The following ZNF609 variants were observed in gnomAD, a reference collection of about 807,000 sequenced individuals.
The protein encoded by ZNF609 is zinc finger protein 609.
A neutral mutation model predicts 109.5 loss-of-function variants in ZNF609; 11 were observed. The ratio of observed to expected loss-of-function variants is 0.10; its 90% CI spans 0.06 to 0.17. ZNF609 has a LOEUF of 0.17. ZNF609 is among the 10% of genes least tolerant of loss of function. ZNF609 has a pLI of 1.00. For synonymous variants in ZNF609, 646 were observed against 662.0 expected, an observed-to-expected ratio of 0.98 and a Z score of 0.37; for missense variants, 1,559 against 1,772.4, an observed-to-expected ratio of 0.88 and a Z score of 2.16.
intron 2 of ZNF609, among the ~76,000 whole-genome samples, chr15:64,518,781 G>A (rs548144238): frequency 6.6e-6 from 1 of 152,064 alleles, no homozygotes; most frequent in Non-Finnish European, 1.5e-5. Context: ...AGAAGAAGTC[G>A]AGAGTCATGT....
chr15:64,550,283 C>G (rs1894443390), intron 2 of ZNF609, among the ~76,000 whole-genome samples: 1 of 151,918 alleles, frequency 6.6e-6, no homozygotes, highest in African/African-American at 2.4e-5. Context: ...AATATCTATT[C>G]AAGTGTTTTG....
chr15:64,654,876 C>A lies in ZNF609; in HGVS notation c.974-15470C>A, dbSNP rs185851457. Among the ~76,000 whole-genome samples the A allele has an allele frequency of 1.1e-4, 17 of 151,404 alleles. No homozygotes were observed. In the East Asian group the frequency reaches 3.4e-3, roughly 30 times the overall value. On this transcript the variant is annotated intron_variant, in intron 3 of 9. Transcript: ENST00000326648. ...CTTTGGGAGGCCGAGGCAGGTGGAT[C>A]ACGAGGTCAGGAGATCGAGACCATC...
At chr15:64,607,758 G>GC (rs1294681360) in intron 2 of ZNF609, among the ~76,000 whole-genome samples, 1 of 151,478 alleles carries the variant, frequency 6.6e-6, no homozygotes, top group South Asian at 2.1e-4. Context: ...ACCCTCCTTG[G>GC]CCCCCCAAAG....
chr15:64,569,093 G>C (rs1277261924), intron 2 of ZNF609, among the ~76,000 whole-genome samples: 1 of 151,884 alleles, frequency 6.6e-6, no homozygotes, highest in African/African-American at 2.4e-5. Context: ...TACCCCTCTG[G>C]GATACAAATG....
chr15:64,563,092 A>G (rs1025380852), intron 2 of ZNF609, among the ~76,000 whole-genome samples: 3 of 152,078 alleles, frequency 2.0e-5, no homozygotes, highest in Non-Finnish European at 4.4e-5. Context: ...GCAGTGAGCC[A>G]TGATCACGCC....
At chr15:64,488,056 G>A (rs984341370) in intron 1 of ZNF609, among the ~76,000 whole-genome samples, 1 of 152,036 alleles carries the variant, frequency 6.6e-6, no homozygotes, top group Non-Finnish European at 1.5e-5. Context: ...TCCTTTTTTG[G>A]GAAGCAACTA....
chr15:64,516,570 G>A (rs1893814198), intron 2 of ZNF609, among the ~76,000 whole-genome samples: 2 of 152,098 alleles, frequency 1.3e-5, no homozygotes, highest in South Asian at 2.1e-4. Context: ...TAGAGATGGG[G>A]TTTCACCATG....
At chr15:64,671,903 T>C (rs552599680) in intron 4 of ZNF609, among the ~76,000 whole-genome samples, 1 of 152,256 alleles carries the variant, frequency 6.6e-6, no homozygotes, top group East Asian at 1.9e-4. Context: ...AAGTTCTTGA[T>C]TCCATACCAC....
At position 64,678,289 on chromosome 15, in the gene ZNF609, G is replaced by A; in HGVS notation, c.3576G>A (p.Lys1192=). 1 of 1,614,166 alleles carries A rather than the reference G, an allele frequency of 6.2e-7. No individual in the cohort carries two copies. Among genetic ancestry groups the A allele is most frequent in the Non-Finnish European group, 8.5e-7 (1 of 1,180,028 alleles). The change falls in exon 6 of 10, where the codon AAG becomes AAA. Residue 1192 remains lysine, a synonymous_variant. Coordinates refer to ENST00000326648, the MANE Select transcript of ZNF609 (RefSeq NM_015042.2). ...DGKESTSSDC[K]LPTSEESRLG... ...AGGAAAGCACAAGTAGTGACTGCAA[G>A]CTGCCCACGTCAGAGGAGTCTCGCC...
At chr15:64,508,107 G>A (rs1893662960) in intron 2 of ZNF609, among the ~76,000 whole-genome samples, 2 of 152,200 alleles carry the variant, frequency 1.3e-5, no homozygotes, top group Admixed American at 1.3e-4. Context: ...AGGATAGTGT[G>A]ATAAAAGAGA....
intron 1 of ZNF609, among the ~76,000 whole-genome samples, chr15:64,473,820 G>A (rs372900238): frequency 1.3e-5 from 2 of 151,884 alleles, no homozygotes; most frequent in South Asian, 2.1e-4. Context: ...CCCACACCCC[G>A]TCTCAGTGCA....
intron 3 of ZNF609, among the ~76,000 whole-genome samples, chr15:64,652,074 C>T (rs1896425006): frequency 6.6e-6 from 1 of 152,208 alleles, no homozygotes; most frequent in African/African-American, 2.4e-5. Flanking sequence ...AAGTCTCTCT[C>T]TGTCACCCAA....
At chr15:64,673,482 A>G (rs915764676) in intron 4 of ZNF609, among the ~76,000 whole-genome samples, 8 of 152,326 alleles carry the variant, frequency 5.3e-5, no homozygotes, top group African/African-American at 1.7e-4. Context: ...CTACCTTTCT[A>G]TATCTTCATA....
At chr15:64,519,616 G>A (rs1320847979) in intron 2 of ZNF609, among the ~76,000 whole-genome samples, 2 of 152,196 alleles carry the variant, frequency 1.3e-5, no homozygotes, top group African/African-American at 4.8e-5. Context: ...CGTTTCTCAT[G>A]CCACTTATGA....
chr15:64,577,446 T>C (rs867426639), intron 2 of ZNF609, among the ~76,000 whole-genome samples: 3 of 32,708 alleles, frequency 9.2e-5, no homozygotes, highest in South Asian at 6.5e-4. Flanking sequence ...TGTATATATA[T>C]ACACATATAA....
chr15:64,481,246 G>A (rs563848696), intron 1 of ZNF609, among the ~76,000 whole-genome samples: 1 of 151,670 alleles, frequency 6.6e-6, no homozygotes, highest in Non-Finnish European at 1.5e-5. Context: ...AGATCAAAAG[G>A]ACCATACAAA....
intron 2 of ZNF609, among the ~76,000 whole-genome samples, chr15:64,597,365 C>A (rs180768867): frequency 6.6e-6 from 1 of 152,228 alleles, no homozygotes; most frequent in Non-Finnish European, 1.5e-5. Context: ...CGGTAACAAG[C>A]AGGAGGGACT....
chr15:64,681,579 C>A, intron 9 of ZNF609, 113 bp from the exon 10 acceptor site: 1 of 571,984 alleles, frequency 1.7e-6, no homozygotes, highest in Non-Finnish European at 3.1e-6. Context: ...AACACAGTGT[C>A]CCCTAGGGAC....
At chr15:64,607,566 G>A (rs185800122) in intron 2 of ZNF609, among the ~76,000 whole-genome samples, 28 of 148,462 alleles carry the variant, frequency 1.9e-4, no homozygotes, top group East Asian at 7.9e-4. Context: ...GTGCAGTGGC[G>A]CGATCTTGGC....
Sources: gnomAD v4.1 joint callset for allele counts (sites outside exome capture counted in the v4.1 genomes callset) on GRCh38, gnomAD v4.1.1 for gene constraint, MANE v1.5 for transcripts, NCBI Gene and HGNC (gene_info 2026-07-23, HGNC 2026-07-21) for gene names.